Variants in RUNX2 observed in about 807,000 individuals in gnomAD.
The protein encoded by RUNX2 is runt-related transcription factor 2.
A neutral mutation model predicts 51.7 loss-of-function variants in RUNX2; 10 were observed. That is an observed-to-expected ratio of 0.19 (90% CI 0.12 to 0.33). The LOEUF (loss-of-function observed/expected upper bound fraction) is 0.33. Among genes scored for constraint, RUNX2 ranks in the 10% least tolerant of loss-of-function variants. The probability of loss-of-function intolerance (pLI) is 1.00; values close to 1 mark genes in which losing one functional copy is unlikely to be tolerated. For missense variants in RUNX2, 562 were observed against 691.3 expected (o/e 0.81, Z 2.10); for synonymous variants, 276 against 273.6 (o/e 1.01, Z -0.09).
intron 5 of RUNX2, among the ~76,000 whole-genome samples, chr6:45,486,208 A>G (rs1031785990): frequency 1.3e-5 from 2 of 152,120 alleles, no homozygotes; most frequent in Admixed American, 6.6e-5. Context: ...TTGATCCGCA[A>G]TCATGGCATT....
chr6:45,533,978 T>C (rs1269924653), intron 7 of RUNX2, among the ~76,000 whole-genome samples: 1 of 137,622 alleles, frequency 7.3e-6, no homozygotes, highest in Non-Finnish European at 1.5e-5. Flanking sequence ...CACTGCAACC[T>C]CCGCCTCCTG....
At chr6:45,515,131 G>GT (rs1321723843) in intron 7 of RUNX2, among the ~76,000 whole-genome samples, 1 of 152,036 alleles carries the variant, frequency 6.6e-6, no homozygotes, top group Admixed American at 6.6e-5. Flanking sequence ...TTCCAGAACA[G>GT]TTTATGTTTT....
intron 6 of RUNX2, among the ~76,000 whole-genome samples, chr6:45,494,161 C>T (rs1207779379): frequency 6.6e-6 from 1 of 152,216 alleles, no homozygotes; most frequent in African/African-American, 2.4e-5. Context: ...AGCAGATACA[C>T]GTGCAGAGAG....
At chr6:45,426,191 T>C (rs1798377659) in intron 3 of RUNX2, among the ~76,000 whole-genome samples, 1 of 152,328 alleles carries the variant, frequency 6.6e-6, no homozygotes, top group Admixed American at 6.5e-5. Context: ...TATATAAAGT[T>C]GTTTATTAAC....
At chr6:45,355,457 T>C (rs570193500) in intron 2 of RUNX2, among the ~76,000 whole-genome samples, 5 of 152,172 alleles carry the variant, frequency 3.3e-5, no homozygotes, top group African/African-American at 4.8e-5. Context: ...GGGTTTTTCA[T>C]TGGGGGTGGG....
In RUNX2 at chr6:45,454,260, G is replaced by A. The variant is rs116315025; in HGVS notation, c.685+16209G>A. 9.0e-3 allele frequency among the ~76,000 whole-genome samples: 1,370 copies of A among 152,298 alleles called. 21 individuals are homozygous for A. The highest frequency in any genetic ancestry group is 0.031 in the African/African-American group (1,281 of 41,548). On this transcript the variant is annotated intron_variant, in intron 5 of 8. Coordinates refer to ENST00000647337, the MANE Select transcript of RUNX2 (RefSeq NM_001024630.4). ...CCCACTGTCAGATATAGGTGGAGAA[G>A]CCCTTCTGTGGTATGGAGGCACCAT...
At chr6:45,426,354 T>C (rs1798381712) in intron 3 of RUNX2, among the ~76,000 whole-genome samples, 1 of 152,248 alleles carries the variant, frequency 6.6e-6, no homozygotes, top group African/African-American at 2.4e-5. Context: ...AGACCCTTTC[T>C]ATCCTAGATA....
chr6:45,405,168 T>C (rs1184782211), intron 2 of RUNX2, among the ~76,000 whole-genome samples: 1 of 152,234 alleles, frequency 6.6e-6, no homozygotes, highest in Non-Finnish European at 1.5e-5. Context: ...GACACTGCAA[T>C]TTTTCCACCT....
chr6:45,370,927 T>A (rs528735145), intron 2 of RUNX2, among the ~76,000 whole-genome samples: 2 of 152,186 alleles, frequency 1.3e-5, no homozygotes, highest in South Asian at 2.1e-4. Flanking sequence ...AAAAAAAAAA[T>A]TTCTTTGCAA....
At chr6:45,440,203 T>G (rs1019358562) in intron 5 of RUNX2, among the ~76,000 whole-genome samples, 4 of 152,230 alleles carry the variant, frequency 2.6e-5, no homozygotes, top group Non-Finnish European at 4.4e-5. Context: ...AGCATGGGTC[T>G]GCTTTGAGCG....
chr6:45,435,530 A>G (rs572626972), intron 4 of RUNX2, among the ~76,000 whole-genome samples: 37 of 151,910 alleles, frequency 2.4e-4, no homozygotes, highest in African/African-American at 8.4e-4. Context: ...GCTAATTTTT[A>G]TATTTTTAGT....
At chr6:45,400,424 T>C (rs1797688294) in intron 2 of RUNX2, among the ~76,000 whole-genome samples, 1 of 152,230 alleles carries the variant, frequency 6.6e-6, no homozygotes, top group Non-Finnish European at 1.5e-5. Context: ...AGAACACCTC[T>C]AGTTCCAGTA....
chr6:45,471,590 G>A (rs976842834), intron 5 of RUNX2, among the ~76,000 whole-genome samples: 50 of 151,718 alleles, frequency 3.3e-4, no homozygotes, highest in Admixed American at 7.9e-4. Flanking sequence ...GACTACAGGC[G>A]CCCACCACCA....
At chr6:45,356,109 T>A (rs1178271448) in intron 2 of RUNX2, among the ~76,000 whole-genome samples, 1 of 152,142 alleles carries the variant, frequency 6.6e-6, no homozygotes, top group African/African-American at 2.4e-5. Context: ...TCTAGAAAAG[T>A]GGTTGTGTAC....
Position 45,365,627 on chromosome 6 carries a change from G to A in RUNX2, c.58+36843G>A, listed in dbSNP as rs955179059. Among the ~76,000 whole-genome samples, 3 of 147,830 alleles carry A rather than the reference G, an allele frequency of 2.0e-5. No individual in the cohort carries two copies. The Admixed American group carries it at 2.1e-4, about 10-fold the overall frequency. ...ATTGGTTTTCAAAATGTGCTTCAGG[G>A]AGCCCTACGGTTCATCAGCAATGCT... On this transcript the variant is annotated intron_variant, in intron 2 of 8. Transcript: ENST00000647337.
chr6:45,518,058 T>C (rs148096696), intron 7 of RUNX2, among the ~76,000 whole-genome samples: 197 of 152,352 alleles, frequency 1.3e-3, no homozygotes, highest in African/African-American at 4.5e-3. Flanking sequence ...CAATTAATAC[T>C]AATAAACCAG....
intron 2 of RUNX2, among the ~76,000 whole-genome samples, chr6:45,339,143 T>C (rs1000257767): frequency 6.6e-6 from 1 of 152,168 alleles, no homozygotes; most frequent in Non-Finnish European, 1.5e-5. Flanking sequence ...AGTAATCTTA[T>C]TACTTGACTA....
At chr6:45,393,729 G>A (rs150695603) in intron 2 of RUNX2, among the ~76,000 whole-genome samples, 18 of 151,828 alleles carry the variant, frequency 1.2e-4, no homozygotes, top group African/African-American at 3.6e-4. Flanking sequence ...CACCCAGCCC[G>A]GTAAAGGAAG....
chr6:45,352,695 T>C (rs1792307742), intron 2 of RUNX2, among the ~76,000 whole-genome samples: 1 of 152,134 alleles, frequency 6.6e-6, no homozygotes, highest in African/African-American at 2.4e-5. Flanking sequence ...GTCATGAATA[T>C]TCATAATCTA....
Sources: gnomAD v4.1 joint callset for allele counts (sites outside exome capture counted in the v4.1 genomes callset) on GRCh38, gnomAD v4.1.1 for gene constraint, MANE v1.5 for transcripts, NCBI Gene and HGNC (gene_info 2026-07-23, HGNC 2026-07-21) for gene names.